KIF13B: variants seen among roughly 807,000 people sequenced by gnomAD.
KIF13B encodes the protein kinesin family member 13B.
KIF13B carries 127 observed loss-of-function variants against 222.0 expected under a neutral mutation model. That is an observed-to-expected ratio of 0.57 (90% CI 0.50 to 0.66). KIF13B has a LOEUF of 0.66. Ranked by LOEUF, KIF13B falls within the 30% of genes least tolerant of loss-of-function variation. The pLI is 0.00. For missense variants in KIF13B, 2,173 were observed against 2,379.0 expected (o/e 0.91, Z 1.80); for synonymous variants, 976 against 919.0 (o/e 1.06, Z -1.12).
chr8:29,213,309 T>A (rs1013970626), intron 2 of KIF13B, among the ~76,000 whole-genome samples: 1 of 152,224 alleles, frequency 6.6e-6, no homozygotes, highest in Non-Finnish European at 1.5e-5. Flanking sequence ...CTATTCTAAG[T>A]GCATTTCACA....
intron 21 of KIF13B, among the ~76,000 whole-genome samples, chr8:29,137,499 G>T (rs1421567786): frequency 3.3e-5 from 5 of 152,182 alleles, no homozygotes; most frequent in African/African-American, 1.2e-4. Context: ...TCATATCAGT[G>T]AAAACATGGA....
At chr8:29,097,972 C>T (rs773417804) in intron 36 of KIF13B, among the ~76,000 whole-genome samples, 3 of 151,124 alleles carry the variant, frequency 2.0e-5, no homozygotes, top group Non-Finnish European at 2.9e-5. Flanking sequence ...GAGATAGAGA[C>T]CAACCTGGCT....
intron 2 of KIF13B, among the ~76,000 whole-genome samples, chr8:29,230,030 T>C (rs1350981956): frequency 1.3e-5 from 2 of 152,170 alleles, no homozygotes; most frequent in East Asian, 1.9e-4. Flanking sequence ...CAAGGCAAAA[T>C]AGCAGCTACC....
intron 14 of KIF13B, among the ~76,000 whole-genome samples, chr8:29,152,566 C>A (rs1285934049): frequency 6.6e-6 from 1 of 152,036 alleles, no homozygotes; most frequent in African/African-American, 2.4e-5. Flanking sequence ...AAAGGCTACC[C>A]CCTGCTGAAG....
Position 29,133,106 on chromosome 8 carries a change from A to C in KIF13B, c.2785-641T>G, listed in dbSNP as rs186321823. On this transcript the variant is annotated intron_variant, in intron 22 of 39. Coordinates refer to ENST00000524189, the MANE Select transcript of KIF13B (RefSeq NM_015254.4). ...TTTTGGCTTTAAACGGATTAGAAAG[A>C]GGCCTCTCTCTTGAAAGAGATGAAA... Among the ~76,000 whole-genome samples, 29 of 152,308 alleles carry C rather than the reference A, an allele frequency of 1.9e-4. No individual in the cohort carries two copies. In the East Asian group the frequency reaches 5.6e-3, roughly 29 times the overall value.
chr8:29,199,945 T>C (rs1406809653), intron 2 of KIF13B, among the ~76,000 whole-genome samples: 1 of 152,220 alleles, frequency 6.6e-6, no homozygotes, highest in African/African-American at 2.4e-5. Flanking sequence ...GGGAAAAATA[T>C]ATATTTAGTA....
intron 33 of KIF13B, 72 bp from the exon 34 acceptor site, chr8:29,109,583 C>A: frequency 8.3e-7 from 1 of 1,208,224 alleles, no homozygotes. Context: ...CCATGTACAG[C>A]AGACTTGCAA....
chr8:29,130,131 T>C (rs180986669), intron 24 of KIF13B, among the ~76,000 whole-genome samples: 2 of 152,366 alleles, frequency 1.3e-5, no homozygotes, highest in African/African-American at 2.4e-5. Context: ...GTTTGGTTTA[T>C]GTCCTACAAA....
rs1291937669 is a variant in KIF13B at position 29,146,497 on chromosome 8, T to C, written c.2068A>G (p.Ile690Val). The change falls in exon 18 of 40, where the codon ATT (isoleucine) becomes GTT (valine). Residue 690 changes from isoleucine to valine, a missense_variant. This residue lies in a region of KIF13B where 1,480 missense variants were observed against 1,722.8 expected (regional missense o/e 0.86). Transcript: ENST00000524189. ...CTCACCAATAGATTGGCCTTAACAA[T>C]TTGTTCCCTCAGCCTCATCAGGCTG... ...NNSLMRLREQIVKANLLVREA... is the reference protein window; with the variant it reads ...NNSLMRLREQVVKANLLVREA... 1.2e-6 allele frequency: 2 copies of C among 1,613,780 alleles called. No individual in the cohort carries two copies. Among genetic ancestry groups the C allele is most frequent in the Non-Finnish European group, 1.7e-6 (2 of 1,179,866 alleles).
intron 37 of KIF13B, among the ~76,000 whole-genome samples, chr8:29,080,436 A>G (rs1807756466): frequency 6.6e-6 from 1 of 151,900 alleles, no homozygotes; most frequent in Non-Finnish European, 1.5e-5. Context: ...GGAAGAGAGG[A>G]AAACGAAGAG....
chr8:29,090,848 T>C (rs1027221811), intron 37 of KIF13B, among the ~76,000 whole-genome samples: 3 of 152,138 alleles, frequency 2.0e-5, no homozygotes, highest in Non-Finnish European at 4.4e-5. Flanking sequence ...CTAATTCTCA[T>C]AGCCTCCTGT....
chr8:29,253,842 A>AG (rs1476592052), intron 1 of KIF13B, among the ~76,000 whole-genome samples: 1 of 150,564 alleles, frequency 6.6e-6, no homozygotes, highest in East Asian at 1.9e-4. Flanking sequence ...AAAAAAAAAA[A>AG]AAAAAAAAAA....
chr8:29,105,786 G>A (rs1809038731), intron 35 of KIF13B, among the ~76,000 whole-genome samples: 1 of 150,020 alleles, frequency 6.7e-6, no homozygotes, highest in Non-Finnish European at 1.5e-5. Flanking sequence ...AGCCTTCCGA[G>A]TAGCTGGGAT....
chr8:29,165,906 C>CGACTGTAGATCGAAGTACCTT, intron 11 of KIF13B, 134 bp from the exon 12 acceptor site: 1 of 680,520 alleles, frequency 1.5e-6, no homozygotes. Context: ...ACATCTACTT[C>CGACTGTAGATCGAAGTACCTT]GATTGTAGAT....
chr8:29,089,260 CTG>C (rs750977800), intron 37 of KIF13B, among the ~76,000 whole-genome samples: 2 of 152,082 alleles, frequency 1.3e-5, no homozygotes, highest in Non-Finnish European at 2.9e-5. Flanking sequence ...CAGCGAGACT[CTG>C]TCTCTAAAAA....
chr8:29,159,582 C>T (rs567448743), intron 13 of KIF13B, among the ~76,000 whole-genome samples: 1 of 152,252 alleles, frequency 6.6e-6, no homozygotes, highest in African/African-American at 2.4e-5. Flanking sequence ...TTCTGTATCT[C>T]CAACCCTCAC....
rs1262620439 is a variant in KIF13B at position 29,147,460 on chromosome 8, C to T, written c.1956G>A (p.Arg652=). The change falls in exon 17 of 40, where the codon CGG becomes CGA. Residue 652 remains arginine (R), a synonymous_variant. Transcript: ENST00000524189. The part of the protein sequence containing the change: ...RRLSPEKQNC[R]SMDRFSFHSP... ...AGTGGAAAGAAAACCTGTCCATGCTCCGGCAGTTCTGCTTCTCAGGAGACA... is the reference window on the plus strand; with the variant it reads ...AGTGGAAAGAAAACCTGTCCATGCTTCGGCAGTTCTGCTTCTCAGGAGACA... The T allele has an allele frequency of 6.2e-7, 1 of 1,612,864 alleles. No homozygotes were observed. The highest frequency in any genetic ancestry group is 1.1e-5 in the South Asian group (1 of 90,804).
At chr8:29,161,149 C>A (rs1811757899) in intron 12 of KIF13B, among the ~76,000 whole-genome samples, 1 of 152,042 alleles carries the variant, frequency 6.6e-6, no homozygotes, top group Non-Finnish European at 1.5e-5. Context: ...GTCTTGAATT[C>A]ATCTCATTTA....
chr8:29,113,359 CA>C, intron 32 of KIF13B, 103 bp downstream of exon 32: 1 of 620,180 alleles, frequency 1.6e-6, no homozygotes, highest in Non-Finnish European at 2.8e-6. Flanking sequence ...CTTCCCTAAA[CA>C]TACACTTTCA....
Sources: allele counts gnomAD v4.1 joint callset (sites outside exome capture counted in the v4.1 genomes callset), GRCh38; gene constraint gnomAD v4.1.1; regional missense constraint gnomAD v4.1.1; transcripts MANE v1.5; gene names NCBI Gene and HGNC (gene_info 2026-07-23, HGNC 2026-07-21).